Variants in DNAH7 observed in about 807,000 individuals in gnomAD.
The protein encoded by DNAH7 is dynein axonemal heavy chain 7, also known as axonemal beta dynein heavy chain 7.
Under a neutral mutation model 444.6 loss-of-function variants are expected in DNAH7, and 397 were observed. That is an observed-to-expected ratio of 0.89 (90% CI 0.82 to 0.97). The LOEUF (loss-of-function observed/expected upper bound fraction) is 0.97, where lower values mean the gene tolerates loss of function less well. Ranked by LOEUF, DNAH7 falls within the 50% of genes least tolerant of loss-of-function variation. DNAH7 has a pLI of 0.00. For synonymous variants in DNAH7, 1,636 were observed against 1,624.4 expected (o/e 1.01, Z -0.17); for missense variants, 4,902 against 4,800.8 (o/e 1.02, Z -0.62).
At chr2:196,038,590 A>G (rs1474453966) in intron 5 of DNAH7, among the ~76,000 whole-genome samples, 3 of 152,240 alleles carry the variant, frequency 2.0e-5, no homozygotes, top group Non-Finnish European at 2.9e-5. Context: ...GCTGCTGACA[A>G]GAAACTCACT....
chr2:195,884,035 G>A (rs912937150), intron 35 of DNAH7, among the ~76,000 whole-genome samples: 10 of 152,188 alleles, frequency 6.6e-5, no homozygotes, highest in African/African-American at 2.4e-4. Flanking sequence ...TGGGAATGTG[G>A]TATGATCCCA....
At chr2:196,054,661 C>A (rs755184672) in intron 2 of DNAH7, among the ~76,000 whole-genome samples, 1 of 152,164 alleles carries the variant, frequency 6.6e-6, no homozygotes, top group African/African-American at 2.4e-5. Flanking sequence ...GTGTCCCAAC[C>A]CAAATCTCAT....
chr2:195,955,808 A>C (rs1690607903), intron 19 of DNAH7, among the ~76,000 whole-genome samples: 1 of 152,202 alleles, frequency 6.6e-6, no homozygotes, highest in Admixed American at 6.5e-5. Context: ...AAAACAACAA[A>C]AAATTCTCCT....
chr2:195,967,705 T>C (rs959308990), intron 17 of DNAH7, among the ~76,000 whole-genome samples: 4 of 152,356 alleles, frequency 2.6e-5, no homozygotes, highest in African/African-American at 9.6e-5. Flanking sequence ...CTGAAAAGCC[T>C]GCAGTCAGAT....
chr2:195,911,805 C>T (rs1687374535), intron 24 of DNAH7, among the ~76,000 whole-genome samples: 1 of 152,102 alleles, frequency 6.6e-6, no homozygotes, highest in Non-Finnish European at 1.5e-5. Context: ...ACTGATAGAG[C>T]TCATTACTTG....
At chr2:195,983,587 C>T (rs1300786636) in intron 15 of DNAH7, among the ~76,000 whole-genome samples, 5 of 152,150 alleles carry the variant, frequency 3.3e-5, no homozygotes. Flanking sequence ...GAGGGATCCA[C>T]CAAAAACCTC....
At chr2:195,974,629 G>T (rs575023232) in intron 15 of DNAH7, among the ~76,000 whole-genome samples, 1 of 151,832 alleles carries the variant, frequency 6.6e-6, no homozygotes, top group South Asian at 2.1e-4. Context: ...TTAATGAACA[G>T]GAATTTACAG....
In DNAH7 at chr2:195,857,714, C is replaced by T. The variant is rs770937008; in HGVS notation, c.8077G>A (p.Val2693Met). 4.4e-6 allele frequency: 7 copies of T among 1,578,360 alleles called. No homozygotes were observed. In the African/African-American group the frequency reaches 8.2e-5, roughly 19 times the overall value. ...LDTLTAQDIT[V>M]VKSMKSPPAG... The stretch of plus-strand genomic sequence containing the variant: ...GGAGGACTCTTCATGGATTTTACCA[C>T]TGTAATATCCTTGAAATAACAACGT... The change falls in exon 44 of 65, where the codon GTG becomes ATG. Residue 2693 changes from valine (V) to methionine (M), a missense_variant. Transcript: ENST00000312428.
intron 21 of DNAH7, among the ~76,000 whole-genome samples, chr2:195,930,218 C>T (rs969512679): frequency 1.3e-5 from 2 of 152,140 alleles, no homozygotes; most frequent in Non-Finnish European, 2.9e-5. Flanking sequence ...TGGCGCACGC[C>T]TGTAGTACCA....
chr2:195,834,799 A>T (rs74332034), intron 47 of DNAH7, among the ~76,000 whole-genome samples: 2,467 of 152,278 alleles, frequency 0.016, 55 homozygotes, highest in East Asian at 0.069. Flanking sequence ...CATTTGTATA[A>T]TAGGGAAAGA....
chr2:195,916,662 AG>A (rs1314602245), intron 24 of DNAH7, among the ~76,000 whole-genome samples: 1 of 152,178 alleles, frequency 6.6e-6, no homozygotes, highest in Non-Finnish European at 1.5e-5. Flanking sequence ...GTTTGAGACC[AG>A]CCTGGCTAAA....
At chr2:195,851,368 G>A (rs1699353362) in intron 46 of DNAH7, among the ~76,000 whole-genome samples, 1 of 152,194 alleles carries the variant, frequency 6.6e-6, no homozygotes, top group Admixed American at 6.5e-5. Flanking sequence ...GAATAAAATT[G>A]CCTTCAAGCC....
Position 195,753,664 on chromosome 2 carries a change from G to A in DNAH7, c.11764+673C>T, listed in dbSNP as rs919024469. Among the ~76,000 whole-genome samples, 4 of 152,168 alleles carry A rather than the reference G, an allele frequency of 2.6e-5. 1 individual carries two copies. The highest frequency in any genetic ancestry group is 9.7e-5 in the African/African-American group (4 of 41,450). ...ATAAAGACAATTTTGATAAAATTCT[G>A]GAATCTGTAGCATTTAAAAAATAAC... On this transcript the variant is annotated intron_variant, in intron 63 of 64. Coordinates refer to ENST00000312428, the MANE Select transcript of DNAH7 (RefSeq NM_018897.3).
chr2:195,803,088 TTTTC>T (rs1696552423), intron 54 of DNAH7, among the ~76,000 whole-genome samples: 1 of 152,232 alleles, frequency 6.6e-6, no homozygotes, highest in African/African-American at 2.4e-5. Flanking sequence ...GGCCTTACCC[TTTTC>T]TTTATTATTA....
rs1202837951 is a variant in DNAH7 at position 195,926,514 on chromosome 2, AC to A, written c.3523del (p.Val1175Ter). 1 of 1,604,640 alleles carries A rather than the reference AC, an allele frequency of 6.2e-7. No individual in the cohort carries two copies. The highest frequency in any genetic ancestry group is 8.5e-7 in the Non-Finnish European group (1 of 1,176,492). ...AACAGTCTGTCCAGGCCAATCCCTT[AC>A]CCAGTTAATTCGTTCATATTTTGTA... ...AYTKYERINW[V>X]RDWPGQTVLC... On this transcript the variant is annotated frameshift_variant, in exon 22 of 65. Coordinates refer to ENST00000312428, the MANE Select transcript of DNAH7 (RefSeq NM_018897.3). LOFTEE classifies it high-confidence loss of function.
chr2:195,765,841 G>A (rs1694549239), intron 61 of DNAH7, among the ~76,000 whole-genome samples: 1 of 152,010 alleles, frequency 6.6e-6, no homozygotes. Context: ...AAACTAAAAC[G>A]AGAGCTACCA....
intron 54 of DNAH7, among the ~76,000 whole-genome samples, chr2:195,804,956 C>A (rs1471993222): frequency 6.6e-6 from 1 of 151,980 alleles, no homozygotes; most frequent in Non-Finnish European, 1.5e-5. Context: ...AGTATAAAAC[C>A]ATAAATTTAA....
chr2:196,015,622 C>T (rs751487635), intron 9 of DNAH7, among the ~76,000 whole-genome samples: 2 of 152,012 alleles, frequency 1.3e-5, no homozygotes, highest in African/African-American at 2.4e-5. Context: ...GTGTAAATAC[C>T]AATAACATGA....
chr2:196,015,578 A>G (rs1264590552), intron 9 of DNAH7, among the ~76,000 whole-genome samples: 1 of 152,146 alleles, frequency 6.6e-6, no homozygotes, highest in African/African-American at 2.4e-5. Context: ...ACTGCATTAC[A>G]AAGGCTATCT....
Sources: gnomAD v4.1 joint callset for allele counts (sites outside exome capture counted in the v4.1 genomes callset) on GRCh38, gnomAD v4.1.1 for gene constraint, MANE v1.5 for transcripts, NCBI Gene and HGNC (gene_info 2026-07-23, HGNC 2026-07-21) for gene names.